Variants in CCDC40 observed in about 807,000 individuals in gnomAD.
The protein encoded by CCDC40 is coiled-coil domain 40 molecular ruler complex subunit, also known as coiled-coil domain-containing protein 40.
A neutral mutation model predicts 124.5 loss-of-function variants in CCDC40; 104 were observed. The ratio of observed to expected loss-of-function variants is 0.84; its 90% CI spans 0.71 to 0.98. CCDC40 has a LOEUF of 0.98. Among genes scored for constraint, CCDC40 ranks in the 50% least tolerant of loss-of-function variants. CCDC40 has a pLI of 0.00. For missense variants in CCDC40, 1,463 were observed against 1,503.9 expected (o/e 0.97, Z 0.45); for synonymous variants, 580 against 602.9 (o/e 0.96, Z 0.56).
At chr17:80,081,264 A>T (rs1397039115) in intron 10 of CCDC40, among the ~76,000 whole-genome samples, 1 of 152,098 alleles carries the variant, frequency 6.6e-6, no homozygotes, top group Non-Finnish European at 1.5e-5. Context: ...GCACACCTGT[A>T]ATCCCAGCCA....
At chr17:80,077,898 T>C (rs571184635) in intron 10 of CCDC40, among the ~76,000 whole-genome samples, 60 of 152,374 alleles carry the variant, frequency 3.9e-4, no homozygotes, top group Admixed American at 2.1e-3. Context: ...GAAAATATTT[T>C]TGTCCCAGTC....
rs763452738 is a variant in CCDC40, at chr17:80,050,178, C to T, written c.1054C>T (p.His352Tyr). 1.9e-6 allele frequency: 3 copies of T among 1,613,268 alleles called. No individual in the cohort carries two copies. The highest frequency in any genetic ancestry group is 2.5e-6 in the Non-Finnish European group (3 of 1,179,960). Residue 352 changes from histidine (H) to tyrosine (Y), a missense_variant, in exon 7 of 20, where the codon CAC becomes TAC. Physicochemically the swap from His to Tyr is moderately conservative, Grantham distance 83. Coordinates refer to ENST00000397545, the MANE Select transcript of CCDC40 (RefSeq NM_017950.4). ...QKLLEKSHDR[H>Y]AMASSERRQK... ...GCTGCTGGAGAAGAGTCACGACCGC[C>T]ACGCAATGGCCTCGAGCGAGCGCAG...
At chr17:80,089,406 A>G (rs759102346) in intron 16 of CCDC40, among the ~76,000 whole-genome samples, 2 of 152,206 alleles carry the variant, frequency 1.3e-5, no homozygotes, top group Admixed American at 1.3e-4. Flanking sequence ...TGACATTTAA[A>G]TAGCTTTTAG....
At chr17:80,044,181 GC>G (rs1456920877) in intron 3 of CCDC40, among the ~76,000 whole-genome samples, 2 of 152,100 alleles carry the variant, frequency 1.3e-5, no homozygotes, top group Non-Finnish European at 2.9e-5. Context: ...CCCAGCTGTT[GC>G]GGCAAACGGT....
chr17:80,036,726 C>G (rs1019182046), intron 1 of CCDC40, 35 bp downstream of exon 1: 2 of 1,459,726 alleles, frequency 1.4e-6, no homozygotes, highest in South Asian at 2.6e-5. Flanking sequence ...GTCTTGGAGT[C>G]GCCAGGCCGC....
chr17:80,040,071 GTCC>G lies in CCDC40; in HGVS notation c.359_361del (p.Pro120del), dbSNP rs774644078. On this transcript the variant is annotated inframe_deletion, in exon 3 of 20. Coordinates refer to ENST00000397545, the MANE Select transcript of CCDC40 (RefSeq NM_017950.4). Reference sequence around the variant, plus strand: ...GCAGATACGACTTACCCGTATTTCAGTCCTCCTCAGGAACTGCCTGGAGAGGAG... The same window carrying G: ...GCAGATACGACTTACCCGTATTTCAGTCCTCAGGAACTGCCTGGAGAGGAG... 3 of 1,614,128 alleles carry G rather than the reference GTCC, an allele frequency of 1.9e-6. No homozygotes were observed. The South Asian group carries it at 3.3e-5, about 18-fold the overall frequency.
chr17:80,048,578 C>A lies in CCDC40; in HGVS notation c.677-5C>A. On this transcript the variant is annotated splice_region_variant and splice_polypyrimidine_tract_variant and intron_variant, in intron 4 of 19. Coordinates refer to ENST00000397545, the MANE Select transcript of CCDC40 (RefSeq NM_017950.4). ...CCTCAATGGTGTCGCTGTCTCTCCC[C>A]CCAGTGATCCCCCCAGGGGTGCCCG... 2 of 1,612,072 alleles carry A rather than the reference C, an allele frequency of 1.2e-6. No homozygotes were observed. Among genetic ancestry groups the A allele is most frequent in the South Asian group, 1.1e-5 (1 of 91,008 alleles).
At chr17:80,042,888 G>T (rs1417262445) in intron 3 of CCDC40, among the ~76,000 whole-genome samples, 1 of 151,154 alleles carries the variant, frequency 6.6e-6, no homozygotes, top group Admixed American at 6.6e-5. Context: ...TCATAAAAGG[G>T]TATTGGGTTT....
Position 80,087,748 on chromosome 17 carries a change from C to CA in CCDC40, c.2592dup (p.Glu865ArgfsTer3), listed in dbSNP as rs1881794334. 2 of 1,614,108 alleles carry CA rather than the reference C, an allele frequency of 1.2e-6. No homozygotes were observed. The highest frequency in any genetic ancestry group is 1.7e-6 in the Non-Finnish European group (2 of 1,179,970). On this transcript the variant is annotated frameshift_variant, in exon 15 of 20. Transcript: ENST00000397545. LOFTEE classifies it high-confidence loss of function. The surrounding 1 kb of genome is among the most constrained non-coding windows in gnomAD (Gnocchi z 4.5). Reference sequence around the variant, plus strand: ...GAGCTGGAGCAGAACAACCGGGTGACAGAGAATGAGTTCGTGCGCTCGCTG... The same window carrying CA: ...GAGCTGGAGCAGAACAACCGGGTGACAAGAGAATGAGTTCGTGCGCTCGCTG...
intron 18 of CCDC40, among the ~76,000 whole-genome samples, chr17:80,096,254 G>A (rs929854321): frequency 1.3e-5 from 2 of 152,154 alleles, no homozygotes; most frequent in Non-Finnish European, 2.9e-5. Context: ...TGGGGCATAC[G>A]GTCTGACCTC....
At chr17:80,037,523 G>A (rs1228839785) in intron 1 of CCDC40, among the ~76,000 whole-genome samples, 4 of 151,688 alleles carry the variant, frequency 2.6e-5, no homozygotes, top group Admixed American at 2.6e-4. Context: ...GTGTGTGTGT[G>A]TTTAAAACAT....
At chr17:80,037,696 C>CATATATATATATATAT (rs71163910) in intron 1 of CCDC40, among the ~76,000 whole-genome samples, 2 of 94,748 alleles carry the variant, frequency 2.1e-5, no homozygotes, top group Non-Finnish European at 4.3e-5. Flanking sequence ...AAAAGATATA[C>CATATATATATATATAT]ATATATATAT....
chr17:80,037,195 G>A (rs1030838277), intron 1 of CCDC40, among the ~76,000 whole-genome samples: 2 of 152,216 alleles, frequency 1.3e-5, no homozygotes, highest in Admixed American at 1.3e-4. Flanking sequence ...ACCCGCGATG[G>A]GAGGGGTCCC....
chr17:80,095,136 C>G, intron 17 of CCDC40, 127 bp from the exon 18 acceptor site: 5 of 868,584 alleles, frequency 5.8e-6, no homozygotes, highest in Non-Finnish European at 9.4e-6. Context: ...CGGCACAGGC[C>G]TCACTGTTTC....
At position 80,087,417 on chromosome 17, in the gene CCDC40, CTGT is replaced by C; in HGVS notation, c.2450-189_2450-187del. 1.5e-5 allele frequency: 1 copy of C among 66,842 alleles called. No homozygotes were observed. The highest frequency in any genetic ancestry group is 3.0e-5 in the Non-Finnish European group (1 of 32,910). 4.1% of individuals were successfully genotyped at this position (66,842 alleles called of 1,614,324 possible). ...AGCTTAGCAGCCAAAAAGAGACCCC[CTGT>C]CCTCTCCTCTCCTCTGTCCTGGCAG... On this transcript the variant is annotated intron_variant, in intron 14 of 19. Coordinates refer to ENST00000397545, the MANE Select transcript of CCDC40 (RefSeq NM_017950.4). This position sits in a 1 kb window ranked among gnomAD's most constrained non-coding sequence, Gnocchi z 4.5.
intron 10 of CCDC40, among the ~76,000 whole-genome samples, chr17:80,074,273 G>A (rs949841484): frequency 1.3e-5 from 2 of 152,164 alleles, no homozygotes; most frequent in Non-Finnish European, 2.9e-5. Context: ...CACTTTGGAA[G>A]GCCCAGGCAG....
At chr17:80,077,917 T>A (rs1020687972) in intron 10 of CCDC40, among the ~76,000 whole-genome samples, 3 of 152,252 alleles carry the variant, frequency 2.0e-5, no homozygotes, top group Non-Finnish European at 4.4e-5. Context: ...TCTGTGGCTT[T>A]GTCTTTTTTA....
Position 80,087,329 on chromosome 17 carries a change from C to G in CCDC40, c.2450-278C>G. 1 of 509,960 alleles carries G rather than the reference C, an allele frequency of 2.0e-6. No individual in the cohort carries two copies. The highest frequency in any genetic ancestry group is 1.9e-5 in the African/African-American group (1 of 51,966). The allele number at this position is 509,960 out of a possible 1,614,324, so 31.6% of individuals were successfully genotyped here. Reference sequence around the variant, plus strand: ...GCCTGGCCCTCCCACACGCCCTGCCCACACCTGCTGGCTGTCCCCACAGGC... The same window carrying G: ...GCCTGGCCCTCCCACACGCCCTGCCGACACCTGCTGGCTGTCCCCACAGGC... On this transcript the variant is annotated intron_variant, in intron 14 of 19. Transcript: ENST00000397545. The surrounding 1 kb of genome is among the most constrained non-coding windows in gnomAD (Gnocchi z 4.5).
intron 2 of CCDC40, among the ~76,000 whole-genome samples, chr17:80,038,608 C>T (rs908450181): frequency 3.3e-5 from 5 of 151,840 alleles, no homozygotes; most frequent in African/African-American, 9.7e-5. Flanking sequence ...AGGCAGATCA[C>T]GAGGTCAAAA....
Sources: gnomAD v4.1 joint callset for allele counts (sites outside exome capture counted in the v4.1 genomes callset) on GRCh38, gnomAD v4.1.1 for gene constraint, Gnocchi (gnomAD v3.1) non-coding constraint, MANE v1.5 for transcripts, NCBI Gene and HGNC (gene_info 2026-07-23, HGNC 2026-07-21) for gene names.